Variants in PPP6R3 observed in about 807,000 individuals in gnomAD.
PPP6R3 encodes serine/threonine-protein phosphatase 6 regulatory subunit 3.
Under a neutral mutation model 110.7 loss-of-function variants are expected in PPP6R3, and 38 were observed. That is an observed-to-expected ratio of 0.34 (90% confidence interval 0.26 to 0.45). The LOEUF is 0.45. Ranked by LOEUF, PPP6R3 falls within the 20% of genes least tolerant of loss-of-function variation. PPP6R3 has a pLI of 1.00. For synonymous variants in PPP6R3, 369 were observed against 373.5 expected (o/e 0.99, Z 0.14); for missense variants, 870 against 1,062.4 (o/e 0.82, Z 2.52).
chr11:68,476,884 G>T (rs536299645), intron 1 of PPP6R3, among the ~76,000 whole-genome samples: 7 of 151,550 alleles, frequency 4.6e-5, no homozygotes, highest in Admixed American at 4.6e-4. Flanking sequence ...TATTTAGCTG[G>T]GCGTGGTGGT....
At chr11:68,470,061 A>G (rs868586333) in intron 1 of PPP6R3, among the ~76,000 whole-genome samples, 4 of 152,294 alleles carry the variant, frequency 2.6e-5, no homozygotes, top group South Asian at 2.1e-4. Context: ...AGTACTTACC[A>G]TGTCTTAAAC....
chr11:68,594,406 C>G (rs1466168108), intron 18 of PPP6R3, among the ~76,000 whole-genome samples: 2 of 152,026 alleles, frequency 1.3e-5, no homozygotes, highest in African/African-American at 2.4e-5. Flanking sequence ...CCTACAATCC[C>G]AGCACTTTGG....
intron 1 of PPP6R3, among the ~76,000 whole-genome samples, chr11:68,499,595 G>T (rs1278818321): frequency 6.6e-6 from 1 of 152,060 alleles, no homozygotes; most frequent in African/African-American, 2.4e-5. Flanking sequence ...AAGTGACAGG[G>T]TCTTATTCTG....
At chr11:68,461,166 G>A (rs886592129) in intron 1 of PPP6R3, among the ~76,000 whole-genome samples, 16 of 150,880 alleles carry the variant, frequency 1.1e-4, no homozygotes, top group Non-Finnish European at 2.2e-4. Context: ...TCTGGCTCCA[G>A]CCTTCCCGCC....
At chr11:68,594,265 GGAGAGAGAGAGAGA>G (rs56125097) in intron 18 of PPP6R3, among the ~76,000 whole-genome samples, 2 of 136,956 alleles carry the variant, frequency 1.5e-5, no homozygotes, top group African/African-American at 2.8e-5. Flanking sequence ...TAAAAAAGGG[GGAGAGAGAGAGAGA>G]GAGAGAGAGA....
intron 14 of PPP6R3, among the ~76,000 whole-genome samples, chr11:68,578,177 C>T (rs528357805): frequency 1.6e-4 from 25 of 152,264 alleles, no homozygotes; most frequent in Non-Finnish European, 2.9e-4. Context: ...TTAATCGTAT[C>T]CTCCAGGCCA....
At chr11:68,545,059 C>CCTG in intron 4 of PPP6R3, 35 bp downstream of exon 4, 1 of 1,501,116 alleles carries the variant, frequency 6.7e-7, no homozygotes. Flanking sequence ...AGTATTAGGG[C>CCTG]TGATCATCCC....
At chr11:68,473,185 T>C (rs1010687082) in intron 1 of PPP6R3, among the ~76,000 whole-genome samples, 1 of 152,216 alleles carries the variant, frequency 6.6e-6, no homozygotes, top group African/African-American at 2.4e-5. Context: ...AGACCATGAT[T>C]AGAGGGTTGG....
intron 1 of PPP6R3, among the ~76,000 whole-genome samples, chr11:68,507,945 C>A (rs2099087289): frequency 6.6e-6 from 1 of 151,900 alleles, no homozygotes; most frequent in African/African-American, 2.4e-5. Context: ...GTGGCTAACA[C>A]CTGTAATCCT....
intron 9 of PPP6R3, among the ~76,000 whole-genome samples, chr11:68,565,120 T>A (rs1367470621): frequency 6.6e-6 from 1 of 152,180 alleles, no homozygotes; most frequent in Admixed American, 6.5e-5. Context: ...TATCATTGAA[T>A]CTGGTGTATC....
intron 22 of PPP6R3, chr11:68,609,607 T>C: frequency 1.3e-6 from 2 of 1,552,070 alleles, no homozygotes; most frequent in Non-Finnish European, 1.7e-6. Context: ...ACACTGGGCT[T>C]CAGAGTGTTG....
At position 68,548,199 on chromosome 11, in the gene PPP6R3, C is replaced by T; in HGVS notation, c.547C>T (p.Leu183=). 1 of 1,613,886 alleles carries T rather than the reference C, an allele frequency of 6.2e-7. No individual in the cohort carries two copies. Among genetic ancestry groups the T allele is most frequent in the Non-Finnish European group, 8.5e-7 (1 of 1,179,918 alleles). ...ACCTCCACAGCCCAGGCAAGATGTG[C>T]TGAATGTGAGTAGAATTCTGACCTG... ...IEPPQPRQDV[L]NWLNEEKIIQ... is the part of the protein sequence containing the mutation. Residue 183 remains leucine, a synonymous_variant, in exon 5 of 24, where the codon CTG becomes TTG. Transcript: ENST00000393800.
At chr11:68,479,266 A>G (rs976140580) in intron 1 of PPP6R3, among the ~76,000 whole-genome samples, 2 of 152,202 alleles carry the variant, frequency 1.3e-5, no homozygotes, top group African/African-American at 4.8e-5. Flanking sequence ...ATTAAACAGC[A>G]GCAGATGCAG....
At chr11:68,582,909 A>T in intron 14 of PPP6R3, 134 bp from the exon 15 acceptor site, 1 of 727,070 alleles carries the variant, frequency 1.4e-6, no homozygotes, top group Non-Finnish European at 2.2e-6. Context: ...TTGGCAGCTT[A>T]ACTGTGACTG....
chr11:68,559,253 G>T (rs2099410148), intron 8 of PPP6R3, among the ~76,000 whole-genome samples: 1 of 152,228 alleles, frequency 6.6e-6, no homozygotes, highest in Non-Finnish European at 1.5e-5. Context: ...ATAAAGTCTT[G>T]CTTTTCACAT....
chr11:68,508,653 TGG>T, intron 1 of PPP6R3, among the ~76,000 whole-genome samples: 1 of 152,236 alleles, frequency 6.6e-6, no homozygotes, highest in Non-Finnish European at 1.5e-5. Flanking sequence ...TTTGTGGTTT[TGG>T]TGTTTTAGTC....
chr11:68,509,328 A>C (rs146363466), intron 1 of PPP6R3, among the ~76,000 whole-genome samples: 50 of 152,260 alleles, frequency 3.3e-4, no homozygotes, highest in African/African-American at 1.2e-3. Context: ...GGATACTGTC[A>C]GTTAAATTCT....
At chr11:68,592,599 A>G (rs1193825719) in intron 18 of PPP6R3, among the ~76,000 whole-genome samples, 1 of 152,160 alleles carries the variant, frequency 6.6e-6, no homozygotes, top group African/African-American at 2.4e-5. Flanking sequence ...TCTACAGTCC[A>G]GAGTTGATAA....
chr11:68,590,201 A>T (rs1401668506), intron 16 of PPP6R3, among the ~76,000 whole-genome samples: 2 of 152,182 alleles, frequency 1.3e-5, no homozygotes, highest in Non-Finnish European at 2.9e-5. Flanking sequence ...TTTCTAGATG[A>T]TATCTTGTTA....
Sources: allele counts gnomAD v4.1 joint callset (sites outside exome capture counted in the v4.1 genomes callset), GRCh38; gene constraint gnomAD v4.1.1; transcripts MANE v1.5; gene names NCBI Gene and HGNC (gene_info 2026-07-23, HGNC 2026-07-21).